The following DDX1 variants were observed in gnomAD, a reference collection of about 807,000 sequenced individuals.
DDX1 encodes ATP-dependent RNA helicase DDX1.
DDX1 carries 28 observed loss-of-function variants against 108.7 expected under a neutral mutation model. That is an observed-to-expected ratio of 0.26 (90% confidence interval 0.19 to 0.35). DDX1 has a LOEUF of 0.35. Ranked by LOEUF, DDX1 falls within the 10% of genes least tolerant of loss-of-function variation. DDX1 has a pLI of 1.00. For missense variants in DDX1, 710 were observed against 884.5 expected, an observed-to-expected ratio of 0.80 and a Z score of 2.50; for synonymous variants, 295 against 288.9, an observed-to-expected ratio of 1.02 and a Z score of -0.21.
chr2:15,620,981 A>C, intron 17 of DDX1, 84 bp from the exon 18 acceptor site: 2 of 843,682 alleles, frequency 2.4e-6, no homozygotes, highest in Non-Finnish European at 3.9e-6. Flanking sequence ...GACAAATATA[A>C]ATCTCCCTTT....
chr2:15,600,167 A>G (rs574705256), intron 6 of DDX1, among the ~76,000 whole-genome samples: 72 of 152,338 alleles, frequency 4.7e-4, no homozygotes, highest in African/African-American at 1.6e-3. Context: ...ATTATAAAAG[A>G]AAGTATTTAT....
rs1375294483 is a variant in DDX1 at position 15,606,131 on chromosome 2, C to G, written c.703-19C>G. The G allele has an allele frequency of 1.3e-6, 2 of 1,599,128 alleles. No individual in the cohort carries two copies. Among genetic ancestry groups the G allele is most frequent in the Non-Finnish European group, 1.7e-6 (2 of 1,168,182 alleles). On this transcript the variant is annotated intron_variant, in intron 11 of 25. Transcript: ENST00000233084. The stretch of plus-strand genomic sequence containing the variant: ...CAATTAGGGTAGGAATTTTAATTTT[C>G]TGTTTTATTCAATGCTAGAATGCTG...
chr2:15,608,685 T>TTTTTTTTTA (rs869267698), intron 13 of DDX1, among the ~76,000 whole-genome samples: 1 of 147,572 alleles, frequency 6.8e-6, no homozygotes, highest in African/African-American at 2.6e-5. Context: ...TTTTTTTTTT[T>TTTTTTTTTA]ATGAAGTCTC....
intron 14 of DDX1, among the ~76,000 whole-genome samples, chr2:15,613,925 C>T (rs915940645): frequency 1.3e-5 from 2 of 151,228 alleles, no homozygotes; most frequent in Non-Finnish European, 2.9e-5. Context: ...CAACCTCTGC[C>T]TCTTGGGTTC....
intron 13 of DDX1, among the ~76,000 whole-genome samples, chr2:15,612,427 C>G (rs1665789905): frequency 6.6e-6 from 1 of 151,284 alleles, no homozygotes; most frequent in Admixed American, 6.6e-5. Context: ...GGAAGAGGCG[C>G]TCCTCACTTC....
rs2148736104 is a variant in DDX1 at position 15,595,076 on chromosome 2, G to A, written c.17-69G>A. ...AAATCTTTACCCTGTTTTATGAATA[G>A]TAATTTTGAGAGCAATGCAATTTAT... On this transcript the variant is annotated intron_variant, in intron 1 of 25. Coordinates refer to ENST00000233084, the MANE Select transcript of DDX1 (RefSeq NM_004939.3). 4.9e-6 allele frequency: 6 copies of A among 1,225,660 alleles called. No individual in the cohort carries two copies. In the East Asian group the frequency reaches 1.2e-4, roughly 24 times the overall value. 75.9% of individuals were successfully genotyped at this position (1,225,660 alleles called of 1,614,324 possible).
intron 3 of DDX1, among the ~76,000 whole-genome samples, chr2:15,595,985 A>G (rs552455037): frequency 1.3e-5 from 2 of 152,264 alleles, no homozygotes; most frequent in Admixed American, 1.3e-4. Flanking sequence ...CCTCGGTTCA[A>G]GCAATCTTCC....
intron 13 of DDX1, among the ~76,000 whole-genome samples, chr2:15,611,933 T>C: frequency 1.0e-5 from 1 of 97,050 alleles, no homozygotes; most frequent in Non-Finnish European, 1.9e-5. Flanking sequence ...CCCACCTTCC[T>C]CCCGGACGAG....
intron 13 of DDX1, among the ~76,000 whole-genome samples, chr2:15,608,468 A>G (rs1450655148): frequency 7.3e-5 from 11 of 151,168 alleles, no homozygotes; most frequent in Admixed American, 7.3e-4. Context: ...TGGAGGTTGC[A>G]TTGAGGCCAA....
intron 6 of DDX1, among the ~76,000 whole-genome samples, chr2:15,600,024 CTCATA>C (rs4008982): frequency 0.24 from 36,404 of 151,910 alleles, 4,509 homozygotes; most frequent in Admixed American, 0.29. Flanking sequence ...TGACTTCTAT[CTCATA>C]TCATAATTAG....
rs147728753 is a variant in DDX1, at chr2:15,620,305, A to G, written c.1304A>G (p.Asp435Gly). 6.2e-7 allele frequency: 1 copy of G among 1,613,902 alleles called. No individual in the cohort carries two copies. Residue 435 changes from aspartate to glycine, a missense_variant, in exon 17 of 26, where the codon GAC (aspartate) becomes GGC (glycine). Asp to Gly is a moderately conservative substitution (Grantham distance 94). Coordinates refer to ENST00000233084, the MANE Select transcript of DDX1 (RefSeq NM_004939.3). ...FPTWVDLKGE[D>G]SVPDTVHHVV... ...ACATGGGTTGACTTAAAAGGAGAAG[A>G]CTCTGTTCCAGATACTGTACACCAT...
chr2:15,605,160 C>T (rs1402373410), intron 10 of DDX1, among the ~76,000 whole-genome samples: 1 of 152,148 alleles, frequency 6.6e-6, no homozygotes, highest in Non-Finnish European at 1.5e-5. Context: ...GTGGCATCAT[C>T]TGTCTTTAGT....
chr2:15,595,187 T>C lies in DDX1; in HGVS notation c.59T>C (p.Met20Thr). ...MPEIAQAVEE[M>T]DWLLPTDIQA... ...GAGATTGCACAAGCTGTGGAAGAGA[T>C]GGATTGGCTGTAAGTACATAAAGCC... Residue 20 changes from methionine (M) to threonine (T), a missense_variant, in exon 2 of 26, where the codon ATG becomes ACG. Physicochemically the swap from Met to Thr is moderately conservative, Grantham distance 81. Transcript: ENST00000233084. 1 of 1,610,694 alleles carries C rather than the reference T, an allele frequency of 6.2e-7. No individual in the cohort carries two copies. Among genetic ancestry groups the C allele is most frequent in the African/African-American group, 1.3e-5 (1 of 74,968 alleles).
intron 12 of DDX1, 48 bp from the exon 13 acceptor site, chr2:15,607,127 A>G (rs1288886730): frequency 3.3e-6 from 5 of 1,534,674 alleles, no homozygotes; most frequent in South Asian, 1.1e-5. Flanking sequence ...AAGTAACAGT[A>G]TTATAAAGTG....
chr2:15,624,734 C>G (rs1263224067), intron 19 of DDX1, among the ~76,000 whole-genome samples: 1 of 152,156 alleles, frequency 6.6e-6, no homozygotes, highest in African/African-American at 2.4e-5. Context: ...AATTCTCAAT[C>G]AGTTGTTATG....
At chr2:15,620,427 A>G in intron 17 of DDX1, 31 bp downstream of exon 17, 1 of 1,539,908 alleles carries the variant, frequency 6.5e-7, no homozygotes, top group South Asian at 1.2e-5. Context: ...ACATTTATGT[A>G]GAATAAAGCA....
At chr2:15,609,332 G>A (rs1480279928) in intron 13 of DDX1, among the ~76,000 whole-genome samples, 3 of 152,088 alleles carry the variant, frequency 2.0e-5, no homozygotes, top group South Asian at 2.1e-4. Context: ...TTTGGTATTC[G>A]GTACAAATGG....
rs1307706864 is a variant in DDX1, at chr2:15,630,951, T to C, written c.*45T>C. On this transcript the variant is annotated 3_prime_UTR_variant, in exon 26 of 26. Transcript: ENST00000233084. ...AGATTTGAGTAATGAAAGTCTGTAG[T>C]CTTAAAACTCTAAAACAGTTGTACT... The C allele has an allele frequency of 6.3e-7, 1 of 1,593,496 alleles. No individual in the cohort carries two copies. Among genetic ancestry groups the C allele is most frequent in the East Asian group, 2.2e-5 (1 of 44,660 alleles).
chr2:15,607,567 G>T (rs546134862), intron 13 of DDX1, among the ~76,000 whole-genome samples: 1 of 151,990 alleles, frequency 6.6e-6, no homozygotes, highest in South Asian at 2.1e-4. Flanking sequence ...TAGTCAAACA[G>T]CATTGGAGTA....
Sources: gnomAD v4.1 joint callset for allele counts (sites outside exome capture counted in the v4.1 genomes callset) on GRCh38, gnomAD v4.1.1 for gene constraint, MANE v1.5 for transcripts, NCBI Gene and HGNC (gene_info 2026-07-23, HGNC 2026-07-21) for gene names.